The following TMEM120B variants were observed in gnomAD, a reference collection of about 807,000 sequenced individuals.
The protein encoded by TMEM120B is transmembrane protein 120B.
TMEM120B carries 31 observed loss-of-function variants against 55.5 expected under a neutral mutation model. The observed-to-expected ratio is 0.56, with a 90% CI of 0.42 to 0.75. The LOEUF (loss-of-function observed/expected upper bound fraction) is 0.75. TMEM120B is among the 30% of genes least tolerant of loss of function. The pLI is 0.00. For missense variants in TMEM120B, 399 were observed against 425.5 expected (o/e 0.94, Z 0.55); for synonymous variants, 203 against 176.3 (o/e 1.15, Z -1.20).
At chr12:121,740,402 T>G (rs1241021611) in intron 1 of TMEM120B, among the ~76,000 whole-genome samples, 1 of 151,864 alleles carries the variant, frequency 6.6e-6, no homozygotes, top group East Asian at 1.9e-4. Flanking sequence ...GAGAATCGCT[T>G]GAACCCGGGG....
intron 1 of TMEM120B, among the ~76,000 whole-genome samples, chr12:121,741,899 C>G (rs1157996247): frequency 1.3e-5 from 2 of 151,966 alleles, no homozygotes; most frequent in African/African-American, 4.8e-5. Context: ...TTTCATCTTC[C>G]TAGTGGGTGG....
At chr12:121,737,624 G>A (rs918339612) in intron 1 of TMEM120B, among the ~76,000 whole-genome samples, 2 of 152,114 alleles carry the variant, frequency 1.3e-5, no homozygotes, top group Non-Finnish European at 2.9e-5. Context: ...TTCCATTTCT[G>A]GCTTCAAGGT....
rs117330346 is a variant in TMEM120B, at chr12:121,729,207, C to T, written c.70-14422C>T. 7.6e-4 allele frequency among the ~76,000 whole-genome samples: 116 copies of T among 152,352 alleles called. No individual in the cohort carries two copies. The East Asian group carries it at 0.012, about 16-fold the overall frequency. ...CTCCATCCGGCCAGCTGGTTCCATTCGAGGCCACAGGGCCAAGGTTGCTTG... is the reference window on the plus strand; with the variant it reads ...CTCCATCCGGCCAGCTGGTTCCATTTGAGGCCACAGGGCCAAGGTTGCTTG... On this transcript the variant is annotated intron_variant, in intron 1 of 11. Coordinates refer to ENST00000449592, the MANE Select transcript of TMEM120B (RefSeq NM_001080825.2).
rs755646283 is a variant in TMEM120B at position 121,781,116 on chromosome 12, CATGACGTCATAG to C, written c.*5395_*5406del. 1 of 1,614,202 alleles carries C rather than the reference CATGACGTCATAG, an allele frequency of 6.2e-7. No individual in the cohort carries two copies. Among genetic ancestry groups the C allele is most frequent in the Non-Finnish European group, 8.5e-7 (1 of 1,180,038 alleles). On this transcript the variant is annotated 3_prime_UTR_variant, in exon 12 of 12. Coordinates refer to ENST00000449592, the MANE Select transcript of TMEM120B (RefSeq NM_001080825.2). Reference sequence around the variant, plus strand: ...GGACGTTGTCGTAGCTGGTGGGATTCATGACGTCATAGCAGATGAGCACGAGGTGGGTGTTCT... The same window carrying C: ...GGACGTTGTCGTAGCTGGTGGGATTCCAGATGAGCACGAGGTGGGTGTTCT...
chr12:121,734,683 A>T (rs1895071162), intron 1 of TMEM120B, among the ~76,000 whole-genome samples: 1 of 151,958 alleles, frequency 6.6e-6, no homozygotes, highest in African/African-American at 2.4e-5. Context: ...CGAGGCTGAG[A>T]TGGGTGGATC....
At chr12:121,751,202 A>G (rs1388621523) in intron 4 of TMEM120B, among the ~76,000 whole-genome samples, 14 of 69,390 alleles carry the variant, frequency 2.0e-4, no homozygotes, top group African/African-American at 5.9e-4. Flanking sequence ...ACCCACACCT[A>G]TACTCACACC....
chr12:121,774,267 C>T (rs1274340941), intron 9 of TMEM120B, among the ~76,000 whole-genome samples: 2 of 152,180 alleles, frequency 1.3e-5, no homozygotes, highest in Non-Finnish European at 2.9e-5. Context: ...ACTCTGCTGT[C>T]TTTTGACATA....
intron 4 of TMEM120B, among the ~76,000 whole-genome samples, chr12:121,751,258 C>A (rs2137205982): frequency 8.7e-6 from 1 of 114,412 alleles, no homozygotes; most frequent in South Asian, 3.3e-4. Context: ...ACACCTAATA[C>A]CCAACACCCC....
At chr12:121,739,798 CTTTTTT>C (rs200085137) in intron 1 of TMEM120B, among the ~76,000 whole-genome samples, 10 of 99,214 alleles carry the variant, frequency 1.0e-4, no homozygotes, top group Non-Finnish European at 1.7e-4. Context: ...TGCAACACTT[CTTTTTT>C]TTTTTTTTTT....
intron 1 of TMEM120B, among the ~76,000 whole-genome samples, chr12:121,735,718 TCTCA>T (rs1895096800): frequency 1.4e-5 from 2 of 142,070 alleles, no homozygotes; most frequent in Admixed American, 7.1e-5. Context: ...TGAGACCAAG[TCTCA>T]CTCTGTCGCC....
At chr12:121,730,440 A>G in intron 1 of TMEM120B, among the ~76,000 whole-genome samples, 1 of 149,228 alleles carries the variant, frequency 6.7e-6, no homozygotes. Flanking sequence ...AGGTCAGGAG[A>G]TCGAGACCAT....
At position 121,779,982 on chromosome 12, in the gene TMEM120B, GCCT is replaced by G. The variant is rs1874389281; in HGVS notation, c.*4262_*4264del. 3.5e-6 allele frequency: 1 copy of G among 286,786 alleles called. No individual in the cohort carries two copies. Among genetic ancestry groups the G allele is most frequent in the African/African-American group, 2.1e-5 (1 of 46,986 alleles). The allele number at this position is 286,786 out of a possible 1,614,324, so 17.8% of individuals were successfully genotyped here. ...CCCAGGCCTGTGAGAAGAGTTGGAG[GCCT>G]CAAGACAGAAAGGACTTCCAGCCAC... On this transcript the variant is annotated 3_prime_UTR_variant, in exon 12 of 12. Transcript: ENST00000449592.
chr12:121,750,970 A>C (rs1592938452), intron 4 of TMEM120B, among the ~76,000 whole-genome samples: 1 of 38,614 alleles, frequency 2.6e-5, no homozygotes, highest in African/African-American at 1.4e-4. Context: ...CACACCACAC[A>C]CCCCACACCC....
At chr12:121,733,594 C>T (rs572759827) in intron 1 of TMEM120B, among the ~76,000 whole-genome samples, 78 of 148,844 alleles carry the variant, frequency 5.2e-4, no homozygotes, top group Non-Finnish European at 9.0e-4. Context: ...GGCCGGAGTG[C>T]AATGGTGTGA....
In TMEM120B at chr12:121,743,638, A is replaced by G. The variant is rs754236304; in HGVS notation, c.79A>G (p.Arg27Gly). ...GEFQELQETH[R>G]IYKQKLEELA... The stretch of plus-strand genomic sequence containing the variant: ...GTCCCCTGTTCTTCAGGAGACGCAC[A>G]GGATCTACAAGCAGAAGCTGGAGGA... Residue 27 changes from arginine to glycine, a missense_variant, in exon 2 of 12, where the codon AGG becomes GGG. Around this residue, in one of 3 missense-constraint regions of TMEM120B, gnomAD observed 133 missense variants for 104.1 expected, o/e 1.28. Coordinates refer to ENST00000449592, the MANE Select transcript of TMEM120B (RefSeq NM_001080825.2). The G allele has an allele frequency of 2.5e-6, 4 of 1,613,454 alleles. No homozygotes were observed. The South Asian group carries it at 4.4e-5, about 18-fold the overall frequency.
At chr12:121,732,588 A>G (rs1247905610) in intron 1 of TMEM120B, among the ~76,000 whole-genome samples, 1 of 152,200 alleles carries the variant, frequency 6.6e-6, no homozygotes, top group African/African-American at 2.4e-5. Flanking sequence ...TGTTTATAGC[A>G]TGGAGTGTTG....
At chr12:121,713,208 C>T (rs1894633778) in intron 1 of TMEM120B, among the ~76,000 whole-genome samples, 1 of 152,320 alleles carries the variant, frequency 6.6e-6, no homozygotes, top group Admixed American at 6.5e-5. Flanking sequence ...CTCTCTGCTC[C>T]ACGCACCCCC....
In TMEM120B at chr12:121,776,811, T is replaced by A. The variant is rs1195290105; in HGVS notation, c.*1089T>A. ...TAAAATTTTTAATTACTTTTTTTTT[T>A]TTTGAGACAGGGTCTGTTGCCTAGG... is the stretch of plus-strand genomic sequence containing the variant. On this transcript the variant is annotated 3_prime_UTR_variant, in exon 12 of 12. Coordinates refer to ENST00000449592, the MANE Select transcript of TMEM120B (RefSeq NM_001080825.2). 1 of 152,226 alleles carries A rather than the reference T, an allele frequency of 6.6e-6. No homozygotes were observed. The highest frequency in any genetic ancestry group is 1.5e-5 in the Non-Finnish European group (1 of 68,068). The allele number at this position is 152,226 out of a possible 1,614,324, so 9.4% of individuals were successfully genotyped here.
chr12:121,769,999 A>G (rs903348637), intron 6 of TMEM120B, among the ~76,000 whole-genome samples: 2 of 152,174 alleles, frequency 1.3e-5, no homozygotes, highest in African/African-American at 2.4e-5. Context: ...GTGAGGTGAC[A>G]GCTAGTCTGA....
Sources: allele counts gnomAD v4.1 joint callset (sites outside exome capture counted in the v4.1 genomes callset), GRCh38; gene constraint gnomAD v4.1.1; regional missense constraint gnomAD v4.1.1; transcripts MANE v1.5; gene names NCBI Gene and HGNC (gene_info 2026-07-23, HGNC 2026-07-21).